ASPM: variants seen among roughly 807,000 people sequenced by gnomAD.
ASPM encodes the protein assembly factor for spindle microtubules.
Under a neutral mutation model 366.4 loss-of-function variants are expected in ASPM, and 256 were observed. That is an observed-to-expected ratio of 0.70 (90% CI 0.63 to 0.77). The LOEUF is 0.77. Ranked by LOEUF, ASPM falls within the 30% of genes least tolerant of loss-of-function variation. The pLI, the probability that ASPM is intolerant of heterozygous loss-of-function variation, is 0.00. For missense variants in ASPM, 4,146 were observed against 4,090.4 expected, an observed-to-expected ratio of 1.01 and a Z score of -0.37; for synonymous variants, 1,414 against 1,342.9, an observed-to-expected ratio of 1.05 and a Z score of -1.16.
At chr1:197,138,750 ATTTC>A in intron 4 of ASPM, 4 of 717,462 alleles carry the variant, frequency 5.6e-6, no homozygotes, top group Non-Finnish European at 1.0e-5. Context: ...AGAAACGATT[ATTTC>A]TTACGATGTT....
intron 19 of ASPM, among the ~76,000 whole-genome samples, chr1:197,095,694 C>G (rs543795501): frequency 6.6e-6 from 1 of 151,772 alleles, no homozygotes; most frequent in Admixed American, 6.6e-5. Flanking sequence ...CAAGTCTTAA[C>G]TAAATGATTT....
In ASPM at chr1:197,100,729, AG is replaced by A; in HGVS notation, c.8521del (p.Leu2841TyrfsTer97). On this transcript the variant is annotated frameshift_variant, in exon 18 of 28. Transcript: ENST00000367409. LOFTEE classifies it high-confidence loss of function. ...CATCTGAAGGAAGAACTGAATCCGT[AG>A]GGCAGCACATTTCTGTGTTTCCAGT... ...RKLETQKCAA[L>X]RIQFFLQMAV... 1 of 1,612,494 alleles carries A rather than the reference AG, an allele frequency of 6.2e-7. No homozygotes were observed. The highest frequency in any genetic ancestry group is 8.5e-7 in the Non-Finnish European group (1 of 1,179,080).
rs760213011 is a variant in ASPM at position 197,101,761 on chromosome 1, T to C, written c.7490A>G (p.Tyr2497Cys). Reference protein sequence around the residue: ...IQATFRMYRTYITFQTWKHAS... With the variant: ...IQATFRMYRTCITFQTWKHAS... ...ATGTTTCCAAGTCTGAAATGTAATA[T>C]ATGTTCTGTACATCCTGAAAGTAGC... Residue 2497 changes from tyrosine to cysteine, a missense_variant, in exon 18 of 28, where the codon TAT (tyrosine) becomes TGT (cysteine). Transcript: ENST00000367409. 5.6e-6 allele frequency: 9 copies of C among 1,612,550 alleles called. No individual in the cohort carries two copies. The highest frequency in any genetic ancestry group is 2.2e-5 in the East Asian group (1 of 44,802).
intron 21 of ASPM, among the ~76,000 whole-genome samples, chr1:197,092,595 C>T (rs1478321047): frequency 2.0e-5 from 3 of 151,896 alleles, no homozygotes; most frequent in Non-Finnish European, 4.4e-5. Flanking sequence ...TTTGTCTATG[C>T]CAGTACTTCA....
chr1:197,122,334 T>C (rs1187544165), intron 14 of ASPM, 33 bp from the exon 15 acceptor site: 3 of 1,613,486 alleles, frequency 1.9e-6, no homozygotes, highest in Non-Finnish European at 2.5e-6. Context: ...AAATTAGCCG[T>C]AGCTTCAAAT....
Position 197,143,262 on chromosome 1 carries a change from A to G in ASPM, c.990T>C (p.Asn330=). ...AAAGACATGTTACTAATTCTAGTTC[A>G]TTATTAGCTCCATGACTATTATTTA... is the stretch of plus-strand genomic sequence containing the variant. ...SFVNNSHGAN[N]ELELVTCLSS... is the part of the protein sequence containing the mutation. Residue 330 remains asparagine, a synonymous_variant, in exon 3 of 28, where the codon AAT becomes AAC. Coordinates refer to ENST00000367409, the MANE Select transcript of ASPM (RefSeq NM_018136.5). 1 of 1,612,730 alleles carries G rather than the reference A, an allele frequency of 6.2e-7. No individual in the cohort carries two copies. Among genetic ancestry groups the G allele is most frequent in the East Asian group, 2.2e-5 (1 of 44,846 alleles).
At chr1:197,138,021 A>G in intron 4 of ASPM, among the ~76,000 whole-genome samples, 1 of 152,264 alleles carries the variant, frequency 6.6e-6, no homozygotes, top group African/African-American at 2.4e-5. Flanking sequence ...AAATAGGCCT[A>G]TTAATTAGAT....
intron 19 of ASPM, among the ~76,000 whole-genome samples, chr1:197,094,686 G>A (rs1020234392): frequency 4.0e-5 from 6 of 151,662 alleles, no homozygotes; most frequent in Non-Finnish European, 8.9e-5. Flanking sequence ...AACAGAACTG[G>A]AGAAAAATTT....
Position 197,128,682 on chromosome 1 carries a change from T to C in ASPM, c.2761-17A>G. On this transcript the variant is annotated splice_polypyrimidine_tract_variant and intron_variant, in intron 9 of 27. Transcript: ENST00000367409. ...TTTACTAGCCTATAAAGAAATAAGT[T>C]CCAGATATTATATTCCAATATTATA... 1.3e-6 allele frequency: 2 copies of C among 1,574,544 alleles called. No individual in the cohort carries two copies. Among genetic ancestry groups the C allele is most frequent in the Non-Finnish European group, 1.7e-6 (2 of 1,149,524 alleles).
chr1:197,135,623 CTT>C (rs778898963), intron 4 of ASPM, among the ~76,000 whole-genome samples: 4 of 69,816 alleles, frequency 5.7e-5, no homozygotes, highest in Non-Finnish European at 2.9e-5. Flanking sequence ...AAATATCTGT[CTT>C]TTTTTTTTTT....
chr1:197,089,961 T>C lies in ASPM; in HGVS notation c.9953A>G (p.Tyr3318Cys). The C allele has an allele frequency of 6.2e-7, 1 of 1,613,402 alleles. No individual in the cohort carries two copies. Among genetic ancestry groups the C allele is most frequent in the Non-Finnish European group, 8.5e-7 (1 of 1,179,522 alleles). Residue 3318 changes from tyrosine (Y) to cysteine (C), a missense_variant, in exon 25 of 28, where the codon TAT becomes TGT. By Grantham distance (194) the Tyr-to-Cys change is radical. This residue lies in a region of ASPM where 3,624 missense variants were observed against 3,591.7 expected (regional missense o/e 1.01). Coordinates refer to ENST00000367409, the MANE Select transcript of ASPM (RefSeq NM_018136.5). ...TACATTAAGCAAGACTTGCACAGCA[T>C]ATCTGATGACTTCCATACAAGGAAT... The part of the protein sequence containing the change: ...RSIPCMEVIR[Y>C]AVQVLLNVSK...
In ASPM at chr1:197,103,512, G is replaced by A. The variant is rs1022468689; in HGVS notation, c.5739C>T (p.Ala1913=). 27 of 1,613,042 alleles carry A rather than the reference G, an allele frequency of 1.7e-5. No homozygotes were observed. Among genetic ancestry groups the A allele is most frequent in the Non-Finnish European group, 2.2e-5 (26 of 1,179,450 alleles). The change falls in exon 18 of 28, where the codon GCC becomes GCT. Residue 1913 remains alanine, a synonymous_variant. Coordinates refer to ENST00000367409, the MANE Select transcript of ASPM (RefSeq NM_018136.5). ...KIQSAFRMAK[A]QKQFRLFKTA... ...TTTTAAACAATCTAAACTGTTTCTG[G>A]GCCTTGGCCATTCTAAAAGCAGACT...
At chr1:197,129,760 G>A (rs374501222) in intron 8 of ASPM, among the ~76,000 whole-genome samples, 155 bp downstream of exon 8, 4 of 152,244 alleles carry the variant, frequency 2.6e-5, no homozygotes, top group East Asian at 3.9e-4. Flanking sequence ...AGGAATTAAC[G>A]GGGAATGAGG....
At chr1:197,134,252 A>AT (rs11424698) in intron 5 of ASPM, among the ~76,000 whole-genome samples, 46,036 of 147,696 alleles carry the variant, frequency 0.31, 8,820 homozygotes, top group Middle Eastern at 0.46. Flanking sequence ...AAAAATAATA[A>AT]AAAAAAAAAA....
Position 197,089,938 on chromosome 1 carries a change from C to T in ASPM, c.9976G>A (p.Val3326Ile), listed in dbSNP as rs778276224. 3 of 1,612,848 alleles carry T rather than the reference C, an allele frequency of 1.9e-6. No homozygotes were observed. In the South Asian group the frequency reaches 3.3e-5, roughly 18 times the overall value. ...IRYAVQVLLN[V>I]SKYEKTTSAV... ...ATAAAATGAAAAACTACCTTAGATA[C>T]ATTAAGCAAGACTTGCACAGCATAT... The change falls in exon 25 of 28, where the codon GTA (valine) becomes ATA (isoleucine). Residue 3326 changes from valine (V) to isoleucine (I), a missense_variant. Physicochemically the swap from Val to Ile is conservative, Grantham distance 29. This residue lies in a region of ASPM where 3,624 missense variants were observed against 3,591.7 expected (regional missense o/e 1.01). Transcript: ENST00000367409.
intron 22 of ASPM, 42 bp from the exon 23 acceptor site, chr1:197,091,083 G>C: frequency 6.8e-7 from 1 of 1,469,378 alleles, no homozygotes; most frequent in Non-Finnish European, 9.4e-7. Context: ...TCTACTTCAG[G>C]TTTTTTTAAA....
intron 10 of ASPM, among the ~76,000 whole-genome samples, chr1:197,126,028 T>C (rs921221546): frequency 1.3e-5 from 2 of 152,152 alleles, no homozygotes; most frequent in African/African-American, 4.8e-5. Context: ...CTGACACTTA[T>C]CAAAACAGAA....
In ASPM at chr1:197,124,191, A is replaced by C; in HGVS notation, c.3309T>G (p.Ser1103Arg). Reference protein sequence around the residue: ...LINKKKGKRDSGSFEQYSENI... With the variant: ...LINKKKGKRDRGSFEQYSENI... ...TTTCACTATATTGTTCAAAGGAACC[A>C]CTATCCCTTTTGCCTTTTTTCTTAT... Residue 1103 changes from serine (S) to arginine (R), a missense_variant, in exon 13 of 28, where the codon AGT (serine) becomes AGG (arginine). Physicochemically the swap from Ser to Arg is moderately radical, Grantham distance 110 (BLOSUM62 -1). Coordinates refer to ENST00000367409, the MANE Select transcript of ASPM (RefSeq NM_018136.5). The C allele has an allele frequency of 6.2e-7, 1 of 1,612,804 alleles. No homozygotes were observed. The highest frequency in any genetic ancestry group is 8.5e-7 in the Non-Finnish European group (1 of 1,179,120).
chr1:197,094,208 T>C (rs759714377), intron 19 of ASPM, 28 bp from the exon 20 acceptor site: 2 of 1,388,888 alleles, frequency 1.4e-6, no homozygotes, highest in South Asian at 1.2e-5. Flanking sequence ...GAAAGCAATG[T>C]CAAATTACTT....
Sources: gnomAD v4.1 joint callset for allele counts (sites outside exome capture counted in the v4.1 genomes callset) on GRCh38, gnomAD v4.1.1 for gene constraint, gnomAD v4.1.1 regional missense constraint, MANE v1.5 for transcripts, NCBI Gene and HGNC (gene_info 2026-07-23, HGNC 2026-07-21) for gene names.